Variants in MARF1 observed in about 807,000 individuals in gnomAD.
MARF1 encodes limkain-b1.
MARF1 carries 24 observed loss-of-function variants against 168.2 expected under a neutral mutation model. That is an observed-to-expected ratio of 0.14 (90% CI 0.10 to 0.20). The LOEUF (loss-of-function observed/expected upper bound fraction) is 0.20, where lower values mean the gene tolerates loss of function less well. Ranked by LOEUF, MARF1 falls within the 10% of genes least tolerant of loss-of-function variation. MARF1 has a pLI of 1.00. For synonymous variants in MARF1, 868 were observed against 822.4 expected (o/e 1.06, Z -0.95); for missense variants, 1,744 against 2,143.6 (o/e 0.81, Z 3.68).
chr16:15,600,667 A>G lies in MARF1; in HGVS notation c.4661T>C (p.Ile1554Thr). The G allele has an allele frequency of 6.2e-7, 1 of 1,613,794 alleles. No individual in the cohort carries two copies. The highest frequency in any genetic ancestry group is 8.5e-7 in the Non-Finnish European group (1 of 1,180,018). The change falls in exon 24 of 27, where the codon ATT becomes ACT. Residue 1554 changes from isoleucine to threonine, a missense_variant. Coordinates refer to ENST00000396368, the MANE Select transcript of MARF1 (RefSeq NM_014647.4). ...VWIKGHGHKRIVVLKNDMKSR... is the reference protein window; with the variant it reads ...VWIKGHGHKRTVVLKNDMKSR... ...TTTCATGTCATTTTTTAACACTACA[A>G]TTCTCTTATGACCATGTCCTTTTAT... is the stretch of plus-strand genomic sequence containing the variant.
intron 5 of MARF1, among the ~76,000 whole-genome samples, chr16:15,633,094 ATTTAT>A (rs775887976): frequency 4.0e-5 from 6 of 151,870 alleles, no homozygotes; most frequent in Admixed American, 1.3e-4. Context: ...TCTTTTGCTA[ATTTAT>A]TTTATTTGAA....
intron 13 of MARF1, among the ~76,000 whole-genome samples, chr16:15,618,095 A>G (rs2034195576): frequency 1.3e-5 from 2 of 152,168 alleles, no homozygotes; most frequent in Admixed American, 6.5e-5. Flanking sequence ...ACCTTAGTCA[A>G]GTTCCACGAC....
Position 15,617,482 on chromosome 16 carries a change from G to A in MARF1, c.2774C>T (p.Ala925Val). The A allele has an allele frequency of 6.2e-7, 1 of 1,613,818 alleles. No homozygotes were observed. ...SDLYKLTDTV[A>V]IREQGNGRLV... The stretch of plus-strand genomic sequence containing the variant: ...CCGTCCGTTTCCTTGTTCACGGATT[G>A]CGACCGTGTCTGTTAATTTATATAG... The change falls in exon 14 of 27, where the codon GCA becomes GTA. Residue 925 changes from alanine (A) to valine (V), a missense_variant. Coordinates refer to ENST00000396368, the MANE Select transcript of MARF1 (RefSeq NM_014647.4).
chr16:15,628,844 T>C (rs1448831424), intron 7 of MARF1, among the ~76,000 whole-genome samples: 3 of 152,152 alleles, frequency 2.0e-5, no homozygotes, highest in Non-Finnish European at 2.9e-5. Flanking sequence ...GTATGTTTAA[T>C]TTATTAAAAT....
Position 15,639,133 on chromosome 16 carries a change from C to G in MARF1, c.101G>C (p.Cys34Ser). ...AKPWLWKFSN[C>S]FSRPEQTLPH... ...CAGCGTCTGCTCAGGACGAGAAAAG[C>G]AATTAGAGAATTTCCAAAGCCATGG... Residue 34 changes from cysteine to serine, a missense_variant, in exon 2 of 27, where the codon TGC (cysteine) becomes TCC (serine). Coordinates refer to ENST00000396368, the MANE Select transcript of MARF1 (RefSeq NM_014647.4). The G allele has an allele frequency of 6.2e-7, 1 of 1,614,166 alleles. No homozygotes were observed. Among genetic ancestry groups the G allele is most frequent in the Non-Finnish European group, 8.5e-7 (1 of 1,180,042 alleles).
Position 15,602,102 on chromosome 16 carries a change from C to G in MARF1, c.4515G>C (p.Gln1505His). ...RSLLHTYHYQ[Q>H]IFLHEFSMAY... is the part of the protein sequence containing the mutation. Reference sequence around the variant, plus strand: ...CCATGGAAAACTCATGAAGGAAAATCTGCTGGTAGTGGTAAGTATGAAGTA... The same window carrying G: ...CCATGGAAAACTCATGAAGGAAAATGTGCTGGTAGTGGTAAGTATGAAGTA... Residue 1505 changes from glutamine (Q) to histidine (H), a missense_variant, in exon 23 of 27, where the codon CAG becomes CAC. Coordinates refer to ENST00000396368, the MANE Select transcript of MARF1 (RefSeq NM_014647.4). The G allele has an allele frequency of 6.2e-7, 1 of 1,614,220 alleles. No individual in the cohort carries two copies. The highest frequency in any genetic ancestry group is 8.5e-7 in the Non-Finnish European group (1 of 1,180,030).
intron 22 of MARF1, among the ~76,000 whole-genome samples, chr16:15,603,042 G>A (rs1249419095): frequency 6.6e-6 from 1 of 152,190 alleles, no homozygotes; most frequent in Non-Finnish European, 1.5e-5. Context: ...AATCTTAGCT[G>A]GACAGGGAAA....
Position 15,633,620 on chromosome 16 carries a change from G to T in MARF1, c.1230C>A (p.Cys410Ter). Residue 410 changes from cysteine to a stop codon, truncating the protein, a stop_gained, in exon 5 of 27, where the codon TGC (cysteine) becomes TGA (stop). Transcript: ENST00000396368. LOFTEE classifies it high-confidence loss of function. ...TTATTAAATTTTTTTTTTTTACCTGGCAATTATTCAGCTCTTGAATAACTT... is the reference window on the plus strand; with the variant it reads ...TTATTAAATTTTTTTTTTTTACCTGTCAATTATTCAGCTCTTGAATAACTT... ...NKEVIQELNN[C>*]QVTVAHINAT... is the part of the protein sequence containing the mutation. 5 of 1,579,204 alleles carry T rather than the reference G, an allele frequency of 3.2e-6. No individual in the cohort carries two copies. Among genetic ancestry groups the T allele is most frequent in the Admixed American group, 1.8e-5 (1 of 55,412 alleles).
At chr16:15,609,200 T>C (rs28374274) in intron 20 of MARF1, among the ~76,000 whole-genome samples, 9,678 of 152,066 alleles carry the variant, frequency 0.064, 1,049 homozygotes, top group African/African-American at 0.22. Flanking sequence ...GATTGCGCCA[T>C]TGCACTCCAG....
At chr16:15,601,274 T>C in intron 23 of MARF1, 1 of 361,192 alleles carries the variant, frequency 2.8e-6, no homozygotes, top group Non-Finnish European at 5.4e-6. Flanking sequence ...TCTATTCTAC[T>C]ATTTTTACTC....
intron 21 of MARF1, among the ~76,000 whole-genome samples, chr16:15,605,455 T>C (rs966755051): frequency 6.6e-6 from 1 of 152,080 alleles, no homozygotes; most frequent in Non-Finnish European, 1.5e-5. Flanking sequence ...ACCCTACTTA[T>C]CATGATTATG....
intron 2 of MARF1, among the ~76,000 whole-genome samples, 195 bp from the exon 3 acceptor site, chr16:15,636,537 G>A (rs1406000767): frequency 6.6e-6 from 1 of 152,120 alleles, no homozygotes; most frequent in African/African-American, 2.4e-5. Flanking sequence ...CATGAACACT[G>A]GAACACACAA....
chr16:15,631,088 C>T (rs1487217635), intron 6 of MARF1, among the ~76,000 whole-genome samples: 1 of 152,098 alleles, frequency 6.6e-6, no homozygotes, highest in African/African-American at 2.4e-5. Flanking sequence ...CGAGATTGCG[C>T]CATCGCACTC....
Position 15,636,319 on chromosome 16 carries a change from T to C in MARF1, c.168A>G (p.Lys56=). ...PQTKEYMENK[K]VAVELKDVPS... is the part of the protein sequence containing the mutation. ...GTACATCCTTTAGTTCCACAGCAAC[T>C]TTCTTGTTCTCCATGTACTCTTTCT... is the stretch of plus-strand genomic sequence containing the variant. The change falls in exon 3 of 27, where the codon AAA becomes AAG. Residue 56 remains lysine, a synonymous_variant. Transcript: ENST00000396368. The C allele has an allele frequency of 2.6e-6, 4 of 1,564,968 alleles. No homozygotes were observed. The highest frequency in any genetic ancestry group is 2.6e-6 in the Non-Finnish European group (3 of 1,155,282).
At chr16:15,620,770 A>C (rs1408729794) in intron 12 of MARF1, among the ~76,000 whole-genome samples, 6 of 152,248 alleles carry the variant, frequency 3.9e-5, no homozygotes, top group Non-Finnish European at 8.8e-5. Flanking sequence ...CCAGTGGAGC[A>C]GAAAAGCATG....
chr16:15,637,279 G>A (rs2035662403), intron 2 of MARF1, among the ~76,000 whole-genome samples: 5 of 152,172 alleles, frequency 3.3e-5, no homozygotes, highest in African/African-American at 9.7e-5. Context: ...GCCTTCACAG[G>A]CTGACTGCAA....
chr16:15,616,180 T>C (rs1343968539), intron 15 of MARF1, among the ~76,000 whole-genome samples, 175 bp from the exon 16 acceptor site: 1 of 152,200 alleles, frequency 6.6e-6, no homozygotes, highest in Non-Finnish European at 1.5e-5. Context: ...ACTGAGGCAC[T>C]GGCCTCTCTG....
At chr16:15,624,505 C>T (rs989670333) in intron 10 of MARF1, among the ~76,000 whole-genome samples, 1 of 152,200 alleles carries the variant, frequency 6.6e-6, no homozygotes, top group East Asian at 1.9e-4. Context: ...ACATGCCCCC[C>T]TGCACTGGCC....
At chr16:15,636,968 G>C (rs184539113) in intron 2 of MARF1, among the ~76,000 whole-genome samples, 5 of 152,232 alleles carry the variant, frequency 3.3e-5, no homozygotes, top group South Asian at 4.2e-4. Flanking sequence ...TAGAGAATTA[G>C]AAAACTATCC....
Sources: allele counts gnomAD v4.1 joint callset (sites outside exome capture counted in the v4.1 genomes callset), GRCh38; gene constraint gnomAD v4.1.1; transcripts MANE v1.5; gene names NCBI Gene and HGNC (gene_info 2026-07-23, HGNC 2026-07-21).